AGBL3: variants seen among roughly 807,000 people sequenced by gnomAD.
AGBL3 encodes cytosolic carboxypeptidase 3.
Under a neutral mutation model 94.5 loss-of-function variants are expected in AGBL3, and 68 were observed. That is an observed-to-expected ratio of 0.72 (90% CI 0.59 to 0.88). The LOEUF (loss-of-function observed/expected upper bound fraction) is 0.88. Among genes scored for constraint, AGBL3 ranks in the 40% least tolerant of loss-of-function variants. AGBL3 has a pLI of 0.00. For synonymous variants in AGBL3, 354 were observed against 370.7 expected, an observed-to-expected ratio of 0.95 and a Z score of 0.52; for missense variants, 934 against 1,103.8, an observed-to-expected ratio of 0.85 and a Z score of 2.18.
chr7:135,007,674 CAGAA>C (rs1192944723), intron 4 of AGBL3, among the ~76,000 whole-genome samples: 3 of 151,050 alleles, frequency 2.0e-5, no homozygotes, highest in South Asian at 2.1e-4. Flanking sequence ...GGTAATTAGA[CAGAA>C]AGAGAAGTTT....
At chr7:135,039,951 G>A (rs911351830) in intron 8 of AGBL3, among the ~76,000 whole-genome samples, 1 of 152,068 alleles carries the variant, frequency 6.6e-6, no homozygotes, top group Non-Finnish European at 1.5e-5. Flanking sequence ...CAAGATTGAT[G>A]AGAAAGTAGG....
intron 16 of AGBL3, among the ~76,000 whole-genome samples, chr7:135,134,549 T>C (rs191177648): frequency 7.2e-5 from 11 of 152,136 alleles, no homozygotes; most frequent in Admixed American, 6.6e-4. Context: ...TAACTAGATA[T>C]ATAGGTAAGG....
chr7:135,026,847 C>A lies in AGBL3; in HGVS notation c.419-5997C>A, dbSNP rs981628699. On this transcript the variant is annotated intron_variant, in intron 5 of 16. Transcript: ENST00000436302. ...TGACAGTCTGCATTTCGTGTATTTG[C>A]ATATATGTTTGGGTTTGGCTCTATC... 4.0e-5 allele frequency among the ~76,000 whole-genome samples: 6 copies of A among 151,460 alleles called. 1 individual carries two copies. In the East Asian group the frequency reaches 6.1e-4, roughly 16 times the overall value.
At chr7:135,031,684 C>T (rs190776226) in intron 5 of AGBL3, among the ~76,000 whole-genome samples, 5 of 152,252 alleles carry the variant, frequency 3.3e-5, no homozygotes, top group East Asian at 1.9e-4. Context: ...TTCATTTTAT[C>T]CCCAATGCTA....
At chr7:135,023,175 C>CTA (rs1295099861) in intron 5 of AGBL3, among the ~76,000 whole-genome samples, 1 of 152,002 alleles carries the variant, frequency 6.6e-6, no homozygotes, top group East Asian at 1.9e-4. Context: ...TTTTCATGTG[C>CTA]TATAGAAACT....
chr7:135,006,606 T>A (rs1812419462), intron 4 of AGBL3, among the ~76,000 whole-genome samples: 1 of 151,984 alleles, frequency 6.6e-6, no homozygotes, highest in South Asian at 2.1e-4. Flanking sequence ...TTCTGCCTTA[T>A]GGAAAATAGT....
chr7:135,035,058 T>A, intron 7 of AGBL3, 130 bp downstream of exon 7: 1 of 836,300 alleles, frequency 1.2e-6, no homozygotes, highest in Non-Finnish European at 1.7e-6. Context: ...TACTTTATTT[T>A]TTCCCCGTTA....
intron 5 of AGBL3, among the ~76,000 whole-genome samples, chr7:135,025,710 T>C (rs1026035191): frequency 1.3e-5 from 2 of 151,576 alleles, no homozygotes; most frequent in Middle Eastern, 3.4e-3. Context: ...TCATATGTAG[T>C]AACATCCACA....
At chr7:135,113,951 A>T (rs1585194533) in intron 15 of AGBL3, among the ~76,000 whole-genome samples, 1 of 152,130 alleles carries the variant, frequency 6.6e-6, no homozygotes, top group African/African-American at 2.4e-5. Context: ...GACAAATGTG[A>T]TATTTGTCTT....
In AGBL3 at chr7:135,113,133, A is replaced by G. The variant is rs1825873020; in HGVS notation, c.2111-2247A>G. ...AGAATGGCTTATCAAGAAACTGTAA[A>G]TAAGTTCATTTCATTTGCCAATATT... is the stretch of plus-strand genomic sequence containing the variant. On this transcript the variant is annotated intron_variant, in intron 15 of 16. Transcript: ENST00000436302. Among the ~76,000 whole-genome samples the G allele has an allele frequency of 1.3e-5, 2 of 152,234 alleles. 1 individual carries two copies. Among genetic ancestry groups the G allele is most frequent in the South Asian group, 4.1e-4 (2 of 4,832 alleles).
chr7:135,030,677 CTCTT>C (rs1264394122), intron 5 of AGBL3, among the ~76,000 whole-genome samples: 3 of 151,898 alleles, frequency 2.0e-5, no homozygotes, highest in East Asian at 1.9e-4. Flanking sequence ...TTCCATACCA[CTCTT>C]TCTTTCATGT....
At chr7:135,093,148 A>T (rs1296414731) in intron 15 of AGBL3, 1 of 151,874 alleles carries the variant, frequency 6.6e-6, no homozygotes, top group Non-Finnish European at 1.5e-5. Context: ...ATTCACTCTC[A>T]ACACTTCTAT....
intron 16 of AGBL3, chr7:135,129,461 G>C: frequency 1.3e-6 from 1 of 777,392 alleles, no homozygotes; most frequent in East Asian, 2.4e-5. Context: ...AGTGGCTAGA[G>C]AAAAACTTCA....
intron 15 of AGBL3, among the ~76,000 whole-genome samples, chr7:135,110,193 G>A (rs1043771901): frequency 6.6e-6 from 1 of 152,124 alleles, no homozygotes; most frequent in Non-Finnish European, 1.5e-5. Flanking sequence ...GTCTCAGGGA[G>A]GTACAACACT....
chr7:135,062,557 AT>A (rs35509101), intron 12 of AGBL3, among the ~76,000 whole-genome samples: 73,645 of 151,820 alleles, frequency 0.49, 18,229 homozygotes, highest in South Asian at 0.66. Context: ...TTTTTGGAGC[AT>A]TTTTTATCAT....
At chr7:135,027,019 T>C (rs945364062) in intron 5 of AGBL3, among the ~76,000 whole-genome samples, 3 of 151,616 alleles carry the variant, frequency 2.0e-5, no homozygotes, top group African/African-American at 4.8e-5. Context: ...AATTACAATA[T>C]ACAATTTCTT....
chr7:135,092,471 C>G (rs933238993), intron 15 of AGBL3: 4 of 152,066 alleles, frequency 2.6e-5, no homozygotes, highest in Non-Finnish European at 5.9e-5. Flanking sequence ...CATTGTTGTT[C>G]ATGTTCTTTT....
At position 135,115,628 on chromosome 7, in the gene AGBL3, T is replaced by C. The variant is rs576710817; in HGVS notation, c.2342+17T>C. The C allele has an allele frequency of 6.7e-7, 1 of 1,493,042 alleles. No individual in the cohort carries two copies. The highest frequency in any genetic ancestry group is 2.5e-5 in the East Asian group (1 of 40,528). 92.5% of individuals were successfully genotyped at this position (1,493,042 alleles called of 1,614,324 possible). A position where few individuals can be genotyped will look rare whatever the true frequency, so the allele number is the denominator to read the frequency against. On this transcript the variant is annotated intron_variant, in intron 16 of 16. Coordinates refer to ENST00000436302, the MANE Select transcript of AGBL3 (RefSeq NM_178563.4). ...CCAACATCAGTAAGTCAATACAATT[T>C]TATCACTCTTATCTATTTAACACAT...
chr7:135,128,263 G>A (rs1277265984), intron 16 of AGBL3, among the ~76,000 whole-genome samples: 3 of 111,784 alleles, frequency 2.7e-5, no homozygotes, highest in African/African-American at 1.0e-4. Context: ...CTGCACTCCA[G>A]CCTGGGCAAC....
Sources: allele counts gnomAD v4.1 joint callset (sites outside exome capture counted in the v4.1 genomes callset), GRCh38; gene constraint gnomAD v4.1.1; transcripts MANE v1.5; gene names NCBI Gene and HGNC (gene_info 2026-07-23, HGNC 2026-07-21).